The following SERPINB5 variants were observed in gnomAD, a reference collection of about 807,000 sequenced individuals.
The protein encoded by SERPINB5 is serpin family B member 5.
Under a neutral mutation model 32.2 loss-of-function variants are expected in SERPINB5, and 27 were observed. The observed-to-expected ratio is 0.84, with a 90% CI of 0.62 to 1.16. The LOEUF is 1.16. Among genes scored for constraint, SERPINB5 ranks in the 50% most tolerant of loss-of-function variants. The pLI is 0.00. For synonymous variants in SERPINB5, 154 were observed against 157.4 expected, an observed-to-expected ratio of 0.98 and a Z score of 0.16; for missense variants, 388 against 436.3, an observed-to-expected ratio of 0.89 and a Z score of 0.99.
intron 6 of SERPINB5, among the ~76,000 whole-genome samples, chr18:63,501,177 A>T (rs1347895434): frequency 6.8e-6 from 1 of 147,440 alleles, no homozygotes; most frequent in Non-Finnish European, 1.5e-5. Flanking sequence ...ATATCTCCCA[A>T]TGCTATCCCT....
At chr18:63,477,753 T>C (rs983076389) in intron 1 of SERPINB5, among the ~76,000 whole-genome samples, 1 of 152,244 alleles carries the variant, frequency 6.6e-6, no homozygotes, top group Non-Finnish European at 1.5e-5. Context: ...TCTTATGGCT[T>C]CATTTAAGCA....
In SERPINB5 at chr18:63,481,299, C is replaced by T. The variant is rs140113444; in HGVS notation, c.-7-3123C>T. 6.3e-4 allele frequency among the ~76,000 whole-genome samples: 96 copies of T among 152,310 alleles called. 1 individual carries two copies. The East Asian group carries it at 0.018, about 28-fold the overall frequency. ...ATGAACATCTCCTCACCATTTGATC[C>T]ACTCCTAAGATCCATTTGTAGGTGT... On this transcript the variant is annotated intron_variant, in intron 1 of 6. Coordinates refer to ENST00000382771, the MANE Select transcript of SERPINB5 (RefSeq NM_002639.5).
At chr18:63,489,511 G>C (rs1008436918) in intron 4 of SERPINB5, 47 bp downstream of exon 4, 1 of 1,026,382 alleles carries the variant, frequency 9.7e-7, no homozygotes, top group African/African-American at 1.6e-5. Context: ...AGTAAACAGG[G>C]CCTTCCATCT....
chr18:63,501,018 T>C (rs1164724708), intron 6 of SERPINB5, among the ~76,000 whole-genome samples: 1 of 152,098 alleles, frequency 6.6e-6, no homozygotes, highest in Non-Finnish European at 1.5e-5. Context: ...CTTCTTCTTC[T>C]TCTTTTTTTA....
chr18:63,493,516 C>A (rs1014444181), intron 5 of SERPINB5: 3 of 352,156 alleles, frequency 8.5e-6, no homozygotes, highest in South Asian at 1.4e-4. Flanking sequence ...ATTTCCTTAT[C>A]GGTTGATAGC....
intron 1 of SERPINB5, among the ~76,000 whole-genome samples, chr18:63,481,837 A>G (rs1956518691): frequency 6.6e-6 from 1 of 152,224 alleles, no homozygotes; most frequent in African/African-American, 2.4e-5. Flanking sequence ...ACCTAATGCC[A>G]GTCACCTTTC....
At position 63,487,076 on chromosome 18, in the gene SERPINB5, T is replaced by G. The variant is rs1447926788; in HGVS notation, c.299T>G (p.Leu100Arg). The G allele has an allele frequency of 6.2e-7, 1 of 1,613,470 alleles. No homozygotes were observed. Among genetic ancestry groups the G allele is most frequent in the East Asian group, 2.2e-5 (1 of 44,880 alleles). The change falls in exon 3 of 7, where the codon CTT becomes CGT. Residue 100 changes from leucine to arginine, a missense_variant. By Grantham distance (102) the Leu-to-Arg change is moderately radical. Transcript: ENST00000382771. The stretch of plus-strand genomic sequence containing the variant: ...CTCTACGTAGACAAATCTCTGAATC[T>G]TTCTACAGTAAGTTGTTTAAAGCAA... ...KRLYVDKSLNLSTEFISSTKR... is the reference protein window; with the variant it reads ...KRLYVDKSLNRSTEFISSTKR...
rs1291921808 is a variant in SERPINB5, at chr18:63,484,587, A to C, written c.159A>C (p.Glu53Asp). 4 of 1,613,466 alleles carry C rather than the reference A, an allele frequency of 2.5e-6. No individual in the cohort carries two copies. The highest frequency in any genetic ancestry group is 3.4e-6 in the Non-Finnish European group (4 of 1,179,806). ...GTGCTAAAGGTGACACTGCAAATGA[A>C]ATTGGACAGGTAAGCCCCAAAACCT... ...QVGAKGDTAN[E>D]IGQVLHFENV... is the part of the protein sequence containing the mutation. Residue 53 changes from glutamate (E) to aspartate (D), a missense_variant, in exon 2 of 7, where the codon GAA becomes GAC. Glu to Asp is a conservative substitution (Grantham distance 45). Coordinates refer to ENST00000382771, the MANE Select transcript of SERPINB5 (RefSeq NM_002639.5).
rs746351227 is a variant in SERPINB5, at chr18:63,503,941, A to G, written c.*219A>G. ...CTTTTTTCCCATAAGACAATGACAT[A>G]CGCTTTTAATGAAAAGGAATCACGT... On this transcript the variant is annotated 3_prime_UTR_variant, in exon 7 of 7. Transcript: ENST00000382771. The G allele has an allele frequency of 7.4e-6, 4 of 537,940 alleles. No homozygotes were observed. The highest frequency in any genetic ancestry group is 1.9e-5 in the African/African-American group (1 of 51,326). The allele number at this position is 537,940 out of a possible 1,614,324, so 33.3% of individuals were successfully genotyped here.
At chr18:63,491,597 C>T (rs1424627287) in intron 4 of SERPINB5, among the ~76,000 whole-genome samples, 1 of 151,426 alleles carries the variant, frequency 6.6e-6, no homozygotes, top group Non-Finnish European at 1.5e-5. Context: ...GTCTCAGCCT[C>T]CCAAGTAGCT....
Position 63,497,221 on chromosome 18 carries a change from G to C in SERPINB5, c.568-1899G>C, listed in dbSNP as rs1025971676. 41 of 729,178 alleles carry C rather than the reference G, an allele frequency of 5.6e-5. No homozygotes were observed. In the African/African-American group the frequency reaches 6.6e-4, roughly 12 times the overall value. The allele number at this position is 729,178 out of a possible 1,614,324, so 45.2% of individuals were successfully genotyped here. ...TATTGGTGCTGAGGCAGACACAGTT[G>C]GTGTGGTTGGTTCAGGGGCTAGCAT... On this transcript the variant is annotated intron_variant, in intron 5 of 6. Transcript: ENST00000382771.
rs1909489950 is a variant in SERPINB5, at chr18:63,498,178, C to G, written c.568-942C>G. Among the ~76,000 whole-genome samples, 1 of 152,170 alleles carries G rather than the reference C, an allele frequency of 6.6e-6. No homozygotes were observed. The highest frequency in any genetic ancestry group is 2.4e-5 in the African/African-American group (1 of 41,440). On this transcript the variant is annotated intron_variant, in intron 5 of 6. Coordinates refer to ENST00000382771, the MANE Select transcript of SERPINB5 (RefSeq NM_002639.5). The surrounding 1 kb of genome is among the most constrained non-coding windows in gnomAD (Gnocchi z 4.2). ...GATCTTGGCTCACACCAACTTCTGG[C>G]TCCCAGGCTCAAGCAATTCTCCTCC...
chr18:63,484,739 ATCTT>A, intron 2 of SERPINB5, 143 bp downstream of exon 2: 1 of 144,448 alleles, frequency 6.9e-6, no homozygotes. Flanking sequence ...GACTCTCTTA[ATCTT>A]TTTTTTTTTT....
chr18:63,483,432 C>A (rs536685268), intron 1 of SERPINB5, among the ~76,000 whole-genome samples: 1 of 152,316 alleles, frequency 6.6e-6, no homozygotes, highest in South Asian at 2.1e-4. Context: ...TGCTGGGTGT[C>A]CTGCAAAGGC....
At chr18:63,491,941 C>T (rs909842229) in intron 4 of SERPINB5, among the ~76,000 whole-genome samples, 7 of 152,076 alleles carry the variant, frequency 4.6e-5, no homozygotes, top group African/African-American at 1.7e-4. Context: ...TTGCATGGTC[C>T]AGGGCAAAAG....
intron 1 of SERPINB5, among the ~76,000 whole-genome samples, chr18:63,479,495 C>A (rs922709524): frequency 5.9e-5 from 9 of 152,186 alleles, no homozygotes; most frequent in African/African-American, 2.2e-4. Flanking sequence ...CCCTGTCCCA[C>A]GTTTTTGCAA....
chr18:63,478,304 G>T (rs1022841279), intron 1 of SERPINB5, among the ~76,000 whole-genome samples: 2 of 152,162 alleles, frequency 1.3e-5, no homozygotes, highest in African/African-American at 2.4e-5. Context: ...GCAACAGTGG[G>T]CTGGGTCAGT....
chr18:63,499,310 C>A, intron 6 of SERPINB5, 23 bp downstream of exon 6: 1 of 1,486,438 alleles, frequency 6.7e-7, no homozygotes, highest in South Asian at 1.4e-5. Context: ...CAGGTGCTCT[C>A]CACAAAGGCA....
In SERPINB5 at chr18:63,484,575, C is replaced by T. The variant is rs760481956; in HGVS notation, c.147C>T (p.Asp49=). The T allele has an allele frequency of 6.2e-7, 1 of 1,613,472 alleles. No individual in the cohort carries two copies. Among genetic ancestry groups the T allele is most frequent in the South Asian group, 1.1e-5 (1 of 90,886 alleles). The change falls in exon 2 of 7, where the codon GAC becomes GAT. Residue 49 remains aspartate (D), a synonymous_variant. Transcript: ENST00000382771. ...TTGCTCAAGTGGGTGCTAAAGGTGA[C>T]ACTGCAAATGAAATTGGACAGGTAA... ...LSLAQVGAKG[D]TANEIGQVLH...
Sources: gnomAD v4.1 joint callset for allele counts (sites outside exome capture counted in the v4.1 genomes callset) on GRCh38, gnomAD v4.1.1 for gene constraint, Gnocchi (gnomAD v3.1) non-coding constraint, MANE v1.5 for transcripts, NCBI Gene and HGNC (gene_info 2026-07-23, HGNC 2026-07-21) for gene names.